Variants in PCDHGA3 observed in about 807,000 individuals in gnomAD.
The protein encoded by PCDHGA3 is protocadherin gamma subfamily A, 3.
PCDHGA3 carries 40 observed loss-of-function variants against 58.5 expected under a neutral mutation model. That is an observed-to-expected ratio of 0.68 (90% CI 0.53 to 0.89). The LOEUF is 0.89. PCDHGA3 is among the 40% of genes least tolerant of loss of function. PCDHGA3 has a pLI of 0.00. For synonymous variants in PCDHGA3, 530 were observed against 525.7 expected (o/e 1.01, Z -0.11); for missense variants, 1,223 against 1,195.9 (o/e 1.02, Z -0.33).
chr5:141,368,012 T>C (rs1301562712), intron 1 of PCDHGA3, among the ~76,000 whole-genome samples: 2 of 152,238 alleles, frequency 1.3e-5, no homozygotes, highest in Admixed American at 1.3e-4. Flanking sequence ...AATACTGGCC[T>C]ATGTGCCTCA....
At chr5:141,361,514 AC>A in intron 1 of PCDHGA3, 1 of 1,614,028 alleles carries the variant, frequency 6.2e-7, no homozygotes, top group South Asian at 1.1e-5. Context: ...TACATGGTTC[AC>A]GTGGCAGAGA....
rs1193417991 is a variant in PCDHGA3 at position 141,491,413 on chromosome 5, G to C, written c.2425-3394G>C. 5.0e-6 allele frequency: 8 copies of C among 1,613,946 alleles called. No individual in the cohort carries two copies. Among genetic ancestry groups the C allele is most frequent in the African/African-American group, 1.3e-5 (1 of 74,906 alleles). ...CCTTCAGGGAAACGCAGACGGGGAC[G>C]GGGGTGGAGGGCAGTGCTGCAGGCG... On this transcript the variant is annotated intron_variant, in intron 1 of 3. Transcript: ENST00000253812. The surrounding 1 kb of genome is among the most constrained non-coding windows in gnomAD (Gnocchi z 6.9).
At chr5:141,447,027 T>TG (rs563674341) in intron 1 of PCDHGA3, among the ~76,000 whole-genome samples, 103 of 152,252 alleles carry the variant, frequency 6.8e-4, no homozygotes, top group South Asian at 2.3e-3. Flanking sequence ...TGTTTTGTTT[T>TG]TTTTCTGTGT....
intron 1 of PCDHGA3, chr5:141,421,518 TGA>T: frequency 6.2e-7 from 1 of 1,614,058 alleles, no homozygotes; most frequent in Non-Finnish European, 8.5e-7. Flanking sequence ...AGGAGCTCTG[TGA>T]GACGGTGTCC....
rs576594507 is a variant in PCDHGA3, at chr5:141,397,831, A to T, written c.2424+51374A>T. On this transcript the variant is annotated intron_variant, in intron 1 of 3. Transcript: ENST00000253812. ...CACAAAAACAATTACTGCACTGGTT[A>T]ACTTGAAGCCGCAGAGGCTGTAGTT... 9.5e-4 allele frequency among the ~76,000 whole-genome samples: 145 copies of T among 152,360 alleles called. 1 individual carries two copies. The highest frequency in any genetic ancestry group is 1.8e-3 in the Non-Finnish European group (124 of 68,036).
At chr5:141,409,163 G>A in intron 1 of PCDHGA3, 1 of 1,614,026 alleles carries the variant, frequency 6.2e-7, no homozygotes. Context: ...GGAAGTGGAA[G>A]CGAAGGACGG....
Position 141,431,473 on chromosome 5 carries a change from C to A in PCDHGA3, c.2425-63334C>A, listed in dbSNP as rs750300971. 16 of 1,613,714 alleles carry A rather than the reference C, an allele frequency of 9.9e-6. 1 individual carries two copies. The highest frequency in any genetic ancestry group is 9.3e-5 in the African/African-American group (7 of 74,948). On this transcript the variant is annotated intron_variant, in intron 1 of 3. Transcript: ENST00000253812. This position sits in a 1 kb window ranked among gnomAD's most constrained non-coding sequence, Gnocchi z 4.8. Reference sequence around the variant, plus strand: ...TGATGGTTCTGGATGCGAACGACAACGCACCAGCGTTTGCTCAGCCCGAGT... The same window carrying A: ...TGATGGTTCTGGATGCGAACGACAAAGCACCAGCGTTTGCTCAGCCCGAGT...
At chr5:141,446,447 A>G (rs2098502204) in intron 1 of PCDHGA3, among the ~76,000 whole-genome samples, 1 of 151,946 alleles carries the variant, frequency 6.6e-6, no homozygotes, top group Non-Finnish European at 1.5e-5. Context: ...AACAGTGCAG[A>G]TATTCAGTGT....
chr5:141,475,653 G>T (rs982063429), intron 1 of PCDHGA3, among the ~76,000 whole-genome samples: 2 of 152,238 alleles, frequency 1.3e-5, no homozygotes, highest in African/African-American at 2.4e-5. Context: ...CAAAGAAAGT[G>T]ATTCAAATGT....
chr5:141,389,204 T>G, intron 1 of PCDHGA3: 6 of 1,613,894 alleles, frequency 3.7e-6, no homozygotes, highest in Non-Finnish European at 5.1e-6. Context: ...CCCTGCACAT[T>G]GGTGATGTAA....
In PCDHGA3 at chr5:141,511,445, A is replaced by G; in HGVS notation, c.*272A>G. ...GGTAGTGGGGTTACTGTAGACACCA[A>G]GAACCATTTGCCACACCCCGTTTAG... On this transcript the variant is annotated 3_prime_UTR_variant, in exon 4 of 4. Coordinates refer to ENST00000253812, the MANE Select transcript of PCDHGA3 (RefSeq NM_018916.4). 4.5e-6 allele frequency: 3 copies of G among 659,774 alleles called. No individual in the cohort carries two copies. Among genetic ancestry groups the G allele is most frequent in the Non-Finnish European group, 4.9e-6 (2 of 412,228 alleles). 40.9% of individuals were successfully genotyped at this position (659,774 alleles called of 1,614,324 possible). A position where few individuals can be genotyped will look rare whatever the true frequency, so the allele number is the denominator to read the frequency against.
chr5:141,372,143 G>T, intron 1 of PCDHGA3: 2 of 1,613,784 alleles, frequency 1.2e-6, no homozygotes, highest in Admixed American at 1.7e-5. Context: ...GCTCTGCAGA[G>T]CCTGGCTACC....
At chr5:141,349,862 C>T (rs1007140667) in intron 1 of PCDHGA3, among the ~76,000 whole-genome samples, 3 of 151,862 alleles carry the variant, frequency 2.0e-5, no homozygotes, top group African/African-American at 7.3e-5. Flanking sequence ...AAAAAGAATA[C>T]GAAATGATGA....
At chr5:141,415,573 G>A (rs375863243) in intron 1 of PCDHGA3, 68 of 1,613,906 alleles carry the variant, frequency 4.2e-5, no homozygotes, top group Non-Finnish European at 1.2e-5. Flanking sequence ...TTTGTTAGAT[G>A]ATTCGAAGTT....
At chr5:141,446,039 A>G (rs1349676116) in intron 1 of PCDHGA3, among the ~76,000 whole-genome samples, 1 of 152,180 alleles carries the variant, frequency 6.6e-6, no homozygotes, top group African/African-American at 2.4e-5. Context: ...TAAGAAATGG[A>G]AGAAGAGCTG....
At chr5:141,406,070 T>A (rs1451280596) in intron 1 of PCDHGA3, among the ~76,000 whole-genome samples, 1 of 136,270 alleles carries the variant, frequency 7.3e-6, no homozygotes, top group Admixed American at 7.2e-5. Flanking sequence ...AAATTCTTAC[T>A]CCTTTTTTTT....
chr5:141,430,919 C>T, intron 1 of PCDHGA3: 1 of 1,607,610 alleles, frequency 6.2e-7, no homozygotes, highest in Non-Finnish European at 8.5e-7. Context: ...GGACCTGGGG[C>T]TGGAGCCCCG....
chr5:141,447,181 G>C (rs442221), intron 1 of PCDHGA3, among the ~76,000 whole-genome samples: 152,246 of 152,338 alleles, frequency 1, 76,078 homozygotes, highest in Middle Eastern at 1. Context: ...CTCTTGTCGC[G>C]CAGGCTGGAG....
rs1040753474 is a variant in PCDHGA3 at position 141,511,446 on chromosome 5, G to T, written c.*273G>T. 3.1e-6 allele frequency: 2 copies of T among 654,526 alleles called. No individual in the cohort carries two copies. The highest frequency in any genetic ancestry group is 3.7e-5 in the African/African-American group (2 of 54,758). 40.5% of individuals were successfully genotyped at this position (654,526 alleles called of 1,614,324 possible). A position where few individuals can be genotyped will look rare whatever the true frequency, so the allele number is the denominator to read the frequency against. ...GTAGTGGGGTTACTGTAGACACCAA[G>T]AACCATTTGCCACACCCCGTTTAGT... On this transcript the variant is annotated 3_prime_UTR_variant, in exon 4 of 4. Transcript: ENST00000253812.
Sources: gnomAD v4.1 joint callset for allele counts (sites outside exome capture counted in the v4.1 genomes callset) on GRCh38, gnomAD v4.1.1 for gene constraint, Gnocchi (gnomAD v3.1) non-coding constraint, MANE v1.5 for transcripts, NCBI Gene and HGNC (gene_info 2026-07-23, HGNC 2026-07-21) for gene names.